Variants in CCDC3 observed in about 807,000 individuals in gnomAD.
The protein encoded by CCDC3 is coiled-coil domain containing 3.
Under a neutral mutation model 21.4 loss-of-function variants are expected in CCDC3, and 24 were observed. The ratio of observed to expected loss-of-function variants is 1.12; its 90% CI spans 0.81 to 1.58. The LOEUF (loss-of-function observed/expected upper bound fraction) is 1.58. Among genes scored for constraint, CCDC3 ranks in the 40% most tolerant of loss-of-function variants. CCDC3 has a pLI of 0.00. For synonymous variants in CCDC3, 186 were observed against 166.0 expected, an observed-to-expected ratio of 1.12 and a Z score of -0.93; for missense variants, 425 against 360.9, an observed-to-expected ratio of 1.18 and a Z score of -1.44.
chr10:13,036,061 T>C (rs1337241687), intron 5 of CCDC3, among the ~76,000 whole-genome samples: 1 of 152,108 alleles, frequency 6.6e-6, no homozygotes, highest in African/African-American at 2.4e-5. Context: ...GGGGAATCGC[T>C]TGAACCCAGG....
At chr10:13,055,498 T>TA (rs3029972) in intron 4 of CCDC3, among the ~76,000 whole-genome samples, 16 of 149,368 alleles carry the variant, frequency 1.1e-4, no homozygotes, top group South Asian at 8.5e-4. Context: ...CCTGGTTAAT[T>TA]AAAAAAAAAA....
In CCDC3 at chr10:13,011,187, A is replaced by AC. The variant is rs201810691; in HGVS notation, c.-1-12676_-1-12675insG. On this transcript the variant is annotated intron_variant, in intron 5 of 6. Transcript: ENST00000378839. ...CAGAGTGAGACTCTGTCTCAGAAGAAAAAAAAAAAAAAACCTGTGACAAAG... is the reference window on the plus strand; with the variant it reads ...CAGAGTGAGACTCTGTCTCAGAAGAACAAAAAAAAAAAAACCTGTGACAAAG... 6.0e-4 allele frequency among the ~76,000 whole-genome samples: 90 copies of AC among 150,600 alleles called. 3 individuals are homozygous for AC. The East Asian group carries it at 0.018, about 31-fold the overall frequency.
At chr10:12,954,663 C>CTCATTCA (rs1357955173) in intron 2 of CCDC3, among the ~76,000 whole-genome samples, 19 of 152,158 alleles carry the variant, frequency 1.2e-4, no homozygotes, top group Non-Finnish European at 1.5e-5. Context: ...AGAGTGAAAA[C>CTCATTCA]TCATTCATTC....
At chr10:13,068,097 C>T (rs919152419) in intron 4 of CCDC3, among the ~76,000 whole-genome samples, 1 of 152,142 alleles carries the variant, frequency 6.6e-6, no homozygotes, top group Non-Finnish European at 1.5e-5. Context: ...CCACTAACCC[C>T]GTTTTGGGAA....
At chr10:12,988,760 A>C (rs1022637191) in intron 2 of CCDC3, among the ~76,000 whole-genome samples, 6 of 152,324 alleles carry the variant, frequency 3.9e-5, no homozygotes, top group Non-Finnish European at 7.3e-5. Context: ...CGTAGGTTCA[A>C]GGAGGGCCTG....
At chr10:12,911,844 C>G (rs865774947) in intron 2 of CCDC3, among the ~76,000 whole-genome samples, 2 of 152,102 alleles carry the variant, frequency 1.3e-5, no homozygotes, top group Non-Finnish European at 2.9e-5. Context: ...TGCCATTCTA[C>G]TTTTTGGTTC....
intron 5 of CCDC3, among the ~76,000 whole-genome samples, chr10:13,029,229 C>T (rs1836266529): frequency 6.6e-6 from 1 of 152,128 alleles, no homozygotes; most frequent in Non-Finnish European, 1.5e-5. Context: ...TCATCTTGTC[C>T]TGTTGGCTTA....
chr10:12,956,928 T>C (rs1835098821), intron 2 of CCDC3, among the ~76,000 whole-genome samples: 1 of 152,242 alleles, frequency 6.6e-6, no homozygotes. Flanking sequence ...AGCAACCCAA[T>C]AGGCACCTGA....
chr10:12,916,426 CAAAAAA>C (rs71386129), intron 2 of CCDC3, among the ~76,000 whole-genome samples: 416 of 105,252 alleles, frequency 4.0e-3, no homozygotes, highest in Non-Finnish European at 6.0e-3. Context: ...GACTCCATCT[CAAAAAA>C]AAAAAAAAAA....
At chr10:13,021,811 T>C (rs898448834) in intron 5 of CCDC3, among the ~76,000 whole-genome samples, 4 of 152,176 alleles carry the variant, frequency 2.6e-5, no homozygotes, top group African/African-American at 9.6e-5. Context: ...TTGCCCAGGC[T>C]GGAGTGCAGT....
intron 3 of CCDC3, among the ~76,000 whole-genome samples, chr10:13,093,578 C>G (rs1832600902): frequency 6.6e-6 from 1 of 152,068 alleles, no homozygotes; most frequent in African/African-American, 2.4e-5. Flanking sequence ...AAAACAAATT[C>G]TAATTTTTTT....
intron 5 of CCDC3, among the ~76,000 whole-genome samples, chr10:13,007,253 T>C (rs1835935655): frequency 6.6e-6 from 1 of 152,170 alleles, no homozygotes; most frequent in African/African-American, 2.4e-5. Context: ...CATCGAGTAT[T>C]CAGTTCAACC....
rs34840631 is a variant in CCDC3, at chr10:13,054,076, G to T, written c.-269-4135C>A. ...AGGGGAATTGCTTAAACCCAGGAGG[G>T]GCAGGTTGCAGTGAGCCGAGATAGG... is the stretch of plus-strand genomic sequence containing the variant. On this transcript the variant is annotated intron_variant, in intron 4 of 6. Transcript: ENST00000378839. 2.7e-5 allele frequency among the ~76,000 whole-genome samples: 4 copies of T among 150,520 alleles called. No homozygotes were observed. In the Admixed American group the frequency reaches 2.7e-4, roughly 10 times the overall value.
intron 4 of CCDC3, chr10:13,073,852 T>G (rs981377249): frequency 3.3e-5 from 5 of 152,116 alleles, no homozygotes; most frequent in Non-Finnish European, 7.3e-5. Flanking sequence ...CCAACAGGTC[T>G]ACCATTCCAA....
intron 3 of CCDC3, among the ~76,000 whole-genome samples, chr10:13,084,915 T>G (rs1006431684): frequency 8.5e-5 from 13 of 152,092 alleles, no homozygotes; most frequent in Admixed American, 5.9e-4. Flanking sequence ...GCAGGTGACG[T>G]TCCCCAACAG....
At chr10:12,969,911 T>G (rs1428086271) in intron 2 of CCDC3, among the ~76,000 whole-genome samples, 3 of 151,904 alleles carry the variant, frequency 2.0e-5, no homozygotes, top group Admixed American at 6.6e-5. Flanking sequence ...AAAGTCAAAC[T>G]CATAGAAACA....
Position 13,001,343 on chromosome 10 carries a change from C to T in CCDC3, c.228G>A (p.Ser76=), listed in dbSNP as rs1011076322. The T allele has an allele frequency of 6.2e-7, 1 of 1,603,526 alleles. No individual in the cohort carries two copies. The highest frequency in any genetic ancestry group is 1.7e-5 in the Admixed American group (1 of 58,796). Residue 76 remains serine (S), a synonymous_variant, in exon 1 of 3, where the codon TCG becomes TCA. Coordinates refer to ENST00000378825, the MANE Select transcript of CCDC3 (RefSeq NM_031455.4). The part of the protein sequence containing the change: ...YHAGQGGLFY[S]AEVEMLCDQA... Reference sequence around the variant, plus strand: ...GGTCGCACAGCATCTCGACCTCGGCCGAGTAGAAGAGGCCCCCCTGGCCGG... The same window carrying T: ...GGTCGCACAGCATCTCGACCTCGGCTGAGTAGAAGAGGCCCCCCTGGCCGG...
intron 5 of CCDC3, among the ~76,000 whole-genome samples, chr10:13,019,029 C>G (rs368495096): frequency 4.0e-5 from 6 of 151,172 alleles, no homozygotes; most frequent in Admixed American, 2.0e-4. Flanking sequence ...GTCAGGAGAT[C>G]GAGACCATCC....
At chr10:12,945,870 A>AGT in intron 2 of CCDC3, among the ~76,000 whole-genome samples, 1 of 152,294 alleles carries the variant, frequency 6.6e-6, no homozygotes, top group Non-Finnish European at 1.5e-5. Flanking sequence ...AATGGGGTGC[A>AGT]GTGTGTGTGT....
Sources: allele counts gnomAD v4.1 joint callset (sites outside exome capture counted in the v4.1 genomes callset), GRCh38; gene constraint gnomAD v4.1.1; transcripts MANE v1.5; gene names NCBI Gene and HGNC (gene_info 2026-07-23, HGNC 2026-07-21).